Variants in CFAP299 observed in about 807,000 individuals in gnomAD.
The protein encoded by CFAP299 is cilia and flagella associated protein 299.
Under a neutral mutation model 27.0 loss-of-function variants are expected in CFAP299, and 21 were observed. That is an observed-to-expected ratio of 0.78 (90% CI 0.55 to 1.12). The LOEUF is 1.12. Among genes scored for constraint, CFAP299 ranks in the 50% most tolerant of loss-of-function variants. The probability of loss-of-function intolerance (pLI) is 0.00; values close to 1 mark genes in which losing one functional copy is unlikely to be tolerated. For missense variants in CFAP299, 310 were observed against 276.6 expected, an observed-to-expected ratio of 1.12 and a Z score of -0.86; for synonymous variants, 104 against 98.1, an observed-to-expected ratio of 1.06 and a Z score of -0.36.
chr4:80,394,299 T>C (rs1725656169), intron 2 of CFAP299, among the ~76,000 whole-genome samples: 1 of 152,198 alleles, frequency 6.6e-6, no homozygotes, highest in South Asian at 2.1e-4. Context: ...TTTGTTCTCT[T>C]GTGATTGAGT....
At chr4:80,799,668 T>TTAATATATAATATATA (rs1560417044) in intron 3 of CFAP299, among the ~76,000 whole-genome samples, 1 of 18,600 alleles carries the variant, frequency 5.4e-5, no homozygotes, top group African/African-American at 2.5e-4. Context: ...TTATATTTTA[T>TTAATATATAATATATA]AAATATATAT....
intron 2 of CFAP299, among the ~76,000 whole-genome samples, chr4:80,469,299 G>C (rs1368298968): frequency 6.6e-6 from 1 of 152,194 alleles, no homozygotes; most frequent in African/African-American, 2.4e-5. Flanking sequence ...CCATGGAGTT[G>C]ACTGCCAGTG....
At chr4:80,470,073 A>C (rs1007885077) in intron 2 of CFAP299, among the ~76,000 whole-genome samples, 1 of 151,948 alleles carries the variant, frequency 6.6e-6, no homozygotes, top group South Asian at 2.1e-4. Flanking sequence ...CTCATTCTCT[A>C]CCTCTCTTTT....
At chr4:80,605,052 G>T (rs181028327) in intron 3 of CFAP299, among the ~76,000 whole-genome samples, 1 of 152,258 alleles carries the variant, frequency 6.6e-6, no homozygotes, top group South Asian at 2.1e-4. Context: ...GAAAATGGGG[G>T]CTCACAAGGT....
intron 2 of CFAP299, among the ~76,000 whole-genome samples, chr4:80,408,899 G>A (rs36083225): frequency 2.0e-5 from 3 of 151,726 alleles, no homozygotes; most frequent in Middle Eastern, 3.2e-3. Flanking sequence ...GCATTCCTAA[G>A]GAATAAAATG....
chr4:80,547,611 T>G (rs888212956), intron 2 of CFAP299, among the ~76,000 whole-genome samples: 1 of 152,088 alleles, frequency 6.6e-6, no homozygotes, highest in African/African-American at 2.4e-5. Context: ...AGAGAAAGTA[T>G]TGGCAAACTA....
intron 3 of CFAP299, among the ~76,000 whole-genome samples, chr4:80,861,142 C>T (rs911837925): frequency 6.6e-6 from 1 of 152,220 alleles, no homozygotes; most frequent in Admixed American, 6.5e-5. Flanking sequence ...GCCTCGCTGC[C>T]ACCTTGCAGT....
intron 3 of CFAP299, among the ~76,000 whole-genome samples, chr4:80,638,362 A>C (rs1739560590): frequency 6.6e-6 from 1 of 152,210 alleles, no homozygotes; most frequent in Non-Finnish European, 1.5e-5. Context: ...TCGATATATG[A>C]ATTTGTGATC....
intron 3 of CFAP299, among the ~76,000 whole-genome samples, chr4:80,774,247 C>T (rs189103302): frequency 8.6e-5 from 13 of 151,814 alleles, no homozygotes; most frequent in African/African-American, 3.1e-4. Flanking sequence ...GTAATTTTTT[C>T]CAGGCACATA....
intron 2 of CFAP299, among the ~76,000 whole-genome samples, chr4:80,508,681 C>CCCCAGTAGCTGGGACT (rs1732148174): frequency 6.6e-6 from 1 of 152,054 alleles, no homozygotes; most frequent in African/African-American, 2.4e-5. Context: ...AACTTGGCCT[C>CCCCAGTAGCTGGGACT]CCCAGTAGCT....
chr4:80,656,090 C>T (rs1250412572), intron 3 of CFAP299, among the ~76,000 whole-genome samples: 1 of 151,938 alleles, frequency 6.6e-6, no homozygotes, highest in Non-Finnish European at 1.5e-5. Flanking sequence ...TTTAATGTAA[C>T]TTTATATTCT....
At chr4:80,915,504 GT>G (rs1735698294) in intron 4 of CFAP299, among the ~76,000 whole-genome samples, 1 of 151,698 alleles carries the variant, frequency 6.6e-6, no homozygotes, top group African/African-American at 2.4e-5. Flanking sequence ...GTTCTGCTTG[GT>G]TTTTATTGAG....
chr4:80,480,961 TC>T (rs1385674977), intron 2 of CFAP299, among the ~76,000 whole-genome samples: 1 of 152,096 alleles, frequency 6.6e-6, no homozygotes. Context: ...TGTTCATTAT[TC>T]CTGAAAAACT....
chr4:80,771,667 G>A (rs752076823), intron 3 of CFAP299, among the ~76,000 whole-genome samples: 1 of 152,156 alleles, frequency 6.6e-6, no homozygotes, highest in Non-Finnish European at 1.5e-5. Context: ...GGGGACCCAT[G>A]CTCCTTCTAT....
intron 3 of CFAP299, among the ~76,000 whole-genome samples, chr4:80,853,706 A>G (rs1731659943): frequency 6.6e-6 from 1 of 152,194 alleles, no homozygotes; most frequent in Admixed American, 6.5e-5. Flanking sequence ...AGGTAGAGGC[A>G]ACAAGACTTG....
chr4:80,891,897 A>G (rs562400557), intron 4 of CFAP299, among the ~76,000 whole-genome samples: 236 of 148,390 alleles, frequency 1.6e-3, no homozygotes, highest in African/African-American at 5.7e-3. Flanking sequence ...TATGTTCATG[A>G]TTGGAAGATA....
At chr4:80,689,794 AC>A (rs1463962611) in intron 3 of CFAP299, among the ~76,000 whole-genome samples, 1 of 152,178 alleles carries the variant, frequency 6.6e-6, no homozygotes, top group Non-Finnish European at 1.5e-5. Context: ...TATTCAGGAA[AC>A]CCATCTCACA....
intron 4 of CFAP299, among the ~76,000 whole-genome samples, chr4:80,925,646 A>C (rs1372292483): frequency 6.6e-6 from 1 of 152,058 alleles, no homozygotes; most frequent in Non-Finnish European, 1.5e-5. Flanking sequence ...TAAGTGTCTA[A>C]AAATGTCCTG....
At chr4:80,631,816 G>A (rs1429355647) in intron 3 of CFAP299, among the ~76,000 whole-genome samples, 1 of 133,692 alleles carries the variant, frequency 7.5e-6, no homozygotes, top group Non-Finnish European at 1.6e-5. Flanking sequence ...GTTTCATGTT[G>A]TAGTTCATTT....
Sources: gnomAD v4.1 joint callset for allele counts (sites outside exome capture counted in the v4.1 genomes callset) on GRCh38, gnomAD v4.1.1 for gene constraint, MANE v1.5 for transcripts, NCBI Gene and HGNC (gene_info 2026-07-23, HGNC 2026-07-21) for gene names.